PGF: variants seen among roughly 807,000 people sequenced by gnomAD.
PGF encodes the protein placental growth factor, also known as placenta growth factor.
A neutral mutation model predicts 25.3 loss-of-function variants in PGF; 11 were observed. The ratio of observed to expected loss-of-function variants is 0.43; its 90% confidence interval spans 0.27 to 0.72. The LOEUF (loss-of-function observed/expected upper bound fraction) is 0.72, where lower values mean the gene tolerates loss of function less well. Ranked by LOEUF, PGF falls within the 30% of genes least tolerant of loss-of-function variation. The pLI is 0.18. For missense variants in PGF, 230 were observed against 234.9 expected (o/e 0.98, Z 0.14); for synonymous variants, 105 against 97.9 (o/e 1.07, Z -0.43).
At position 74,949,406 on chromosome 14, in the gene PGF, T is replaced by C; in HGVS notation, c.266A>G (p.Asp89Gly). The C allele has an allele frequency of 6.2e-7, 1 of 1,606,164 alleles. No individual in the cohort carries two copies. Among genetic ancestry groups the C allele is most frequent in the Non-Finnish European group, 8.5e-7 (1 of 1,176,208 alleles). ...CACCGGCACACAGTGCAGATTCTCA[T>C]CGCCGCAGCAGCCGGTGCAGCGCAG... ...SLLRCTGCCG[D>G]ENLHCVPVET... The change falls in exon 3 of 7, where the codon GAT becomes GGT. Residue 89 changes from aspartate to glycine, a missense_variant. By Grantham distance (94) the Asp-to-Gly change is moderately conservative. Coordinates refer to ENST00000555567, the MANE Select transcript of PGF (RefSeq NM_002632.6).
In PGF at chr14:74,942,683, G is replaced by A; in HGVS notation, c.*23C>T. On this transcript the variant is annotated 3_prime_UTR_variant, in exon 7 of 7. Transcript: ENST00000555567. ...AATAAATACACGAGCCGGGTGCGGG[G>A]TCTCTCTCCTCCAAGGGGTGGGTTA... 1 of 1,611,560 alleles carries A rather than the reference G, an allele frequency of 6.2e-7. No individual in the cohort carries two copies. Among genetic ancestry groups the A allele is most frequent in the Non-Finnish European group, 8.5e-7 (1 of 1,178,554 alleles).
At chr14:74,944,922 CTT>C (rs5809688) in intron 6 of PGF, 347 of 116,306 alleles carry the variant, frequency 3.0e-3, no homozygotes, top group Middle Eastern at 4.4e-3. Flanking sequence ...TTTTGGAATT[CTT>C]TTTTTTTTTT....
At chr14:74,952,968 G>T (rs1264857762) in intron 2 of PGF, among the ~76,000 whole-genome samples, 2 of 152,198 alleles carry the variant, frequency 1.3e-5, no homozygotes, top group African/African-American at 2.4e-5. Context: ...TAGGGGATGG[G>T]TCCTTCCCCA....
intron 2 of PGF, among the ~76,000 whole-genome samples, chr14:74,952,010 G>A (rs1466155536): frequency 6.6e-6 from 1 of 152,122 alleles, no homozygotes; most frequent in African/African-American, 2.4e-5. Flanking sequence ...GCTCCGGGAG[G>A]GGGTGGAGGT....
At position 74,942,595 on chromosome 14, in the gene PGF, G is replaced by A. The variant is rs1888627057; in HGVS notation, c.*111C>T. 3.8e-6 allele frequency: 4 copies of A among 1,062,452 alleles called. No individual in the cohort carries two copies. Among genetic ancestry groups the A allele is most frequent in the Non-Finnish European group, 5.7e-6 (4 of 699,808 alleles). 65.8% of individuals were successfully genotyped at this position (1,062,452 alleles called of 1,614,324 possible). A position where few individuals can be genotyped will look rare whatever the true frequency, so the allele number is the denominator to read the frequency against. ...TTGAAGGGAGCGAGGCATTCAGCAG[G>A]GAAACAGTTGGCTAATAAATAGAGG... On this transcript the variant is annotated 3_prime_UTR_variant, in exon 7 of 7. Transcript: ENST00000555567.
intron 1 of PGF, among the ~76,000 whole-genome samples, chr14:74,954,437 G>C (rs946260234): frequency 6.6e-6 from 1 of 152,052 alleles, no homozygotes; most frequent in East Asian, 1.9e-4. Flanking sequence ...TGGGCTGCTC[G>C]GACTCCTCAG....
Position 74,950,273 on chromosome 14 carries a change from T to G in PGF, c.119-720A>C, listed in dbSNP as rs1055037392. On this transcript the variant is annotated intron_variant, in intron 2 of 6. Coordinates refer to ENST00000555567, the MANE Select transcript of PGF (RefSeq NM_002632.6). The surrounding 1 kb of genome is among the most constrained non-coding windows in gnomAD (Gnocchi z 4.1). ...TTGAAGACTTCCCCAGCAATTCCAG[T>G]GCACACAGATGAGCCTCCCTTGAGC... Among the ~76,000 whole-genome samples the G allele has an allele frequency of 3.3e-5, 5 of 152,230 alleles. No homozygotes were observed. Among genetic ancestry groups the G allele is most frequent in the Non-Finnish European group, 7.3e-5 (5 of 68,040 alleles).
chr14:74,945,368 T>G (rs949269541), intron 6 of PGF: 1 of 152,274 alleles, frequency 6.6e-6, no homozygotes, highest in Non-Finnish European at 1.5e-5. Context: ...TTTCCCAAAT[T>G]GCCGCGCGGG....
rs772306775 is a variant in PGF at position 74,950,337 on chromosome 14, C to T, written c.119-784G>A. 1.6e-4 allele frequency among the ~76,000 whole-genome samples: 25 copies of T among 152,328 alleles called. No homozygotes were observed. Among genetic ancestry groups the T allele is most frequent in the African/African-American group, 5.5e-4 (23 of 41,578 alleles). On this transcript the variant is annotated intron_variant, in intron 2 of 6. Coordinates refer to ENST00000555567, the MANE Select transcript of PGF (RefSeq NM_002632.6). The surrounding 1 kb of genome is among the most constrained non-coding windows in gnomAD (Gnocchi z 4.1). ...TGGCCTCAAGGGGTTGCCTTATCTCCGGCACTGCTTGCTCTTATCTCCTTT... is the reference window on the plus strand; with the variant it reads ...TGGCCTCAAGGGGTTGCCTTATCTCTGGCACTGCTTGCTCTTATCTCCTTT...
At chr14:74,944,109 CTT>C (rs546450998) in intron 6 of PGF, among the ~76,000 whole-genome samples, 3 of 112,516 alleles carry the variant, frequency 2.7e-5, no homozygotes, top group Non-Finnish European at 3.8e-5. Context: ...TGTTAATTTT[CTT>C]TTTTTTTTTT....
At position 74,955,365 on chromosome 14, in the gene PGF, C is replaced by A; in HGVS notation, c.-123G>T. 1 of 470,848 alleles carries A rather than the reference C, an allele frequency of 2.1e-6. No homozygotes were observed. Among genetic ancestry groups the A allele is most frequent in the South Asian group, 7.6e-5 (1 of 13,098 alleles). 29.2% of individuals were successfully genotyped at this position (470,848 alleles called of 1,614,324 possible). The stretch of plus-strand genomic sequence containing the variant: ...GCTGGACGCCTCCCTCACTGCTGCC[C>A]CGAGGCCCCGGCCGGTGGTTCGAGC... On this transcript the variant is annotated 5_prime_UTR_variant, in exon 1 of 7. Coordinates refer to ENST00000555567, the MANE Select transcript of PGF (RefSeq NM_002632.6). The surrounding 1 kb of genome is among the most constrained non-coding windows in gnomAD (Gnocchi z 4.1).
chr14:74,947,051 A>T (rs1888755723), intron 4 of PGF: 1 of 559,206 alleles, frequency 1.8e-6, no homozygotes, highest in South Asian at 2.5e-5. Flanking sequence ...GACATGGGAC[A>T]GCATGGTAGC....
In PGF at chr14:74,949,023, G is replaced by A. The variant is rs555584228; in HGVS notation, c.315+334C>T. Among the ~76,000 whole-genome samples, 23 of 152,330 alleles carry A rather than the reference G, an allele frequency of 1.5e-4. No homozygotes were observed. In the South Asian group the frequency reaches 4.8e-3, roughly 32 times the overall value. On this transcript the variant is annotated intron_variant, in intron 3 of 6. Coordinates refer to ENST00000555567, the MANE Select transcript of PGF (RefSeq NM_002632.6). ...CAGTAAGTGCTCAGTAAACCACTGC[G>A]TGTGTGACATGTAAGCTGCACTTGC...
chr14:74,947,218 C>T (rs1454265064), intron 4 of PGF: 2 of 324,120 alleles, frequency 6.2e-6, no homozygotes, highest in African/African-American at 2.1e-5. Context: ...TCTGCCTGCC[C>T]CAAAAGAGTG....
At chr14:74,947,009 G>A in intron 4 of PGF, 1 of 619,994 alleles carries the variant, frequency 1.6e-6, no homozygotes, top group Non-Finnish European at 2.9e-6. Flanking sequence ...CAGGGGATAG[G>A]GCCTCAGTCT....
intron 3 of PGF, among the ~76,000 whole-genome samples, chr14:74,949,105 T>C (rs1888811116): frequency 6.6e-6 from 1 of 152,190 alleles, no homozygotes; most frequent in Non-Finnish European, 1.5e-5. Context: ...AGCAGATTTC[T>C]TTCCAGCTTT....
At chr14:74,951,554 A>G (rs1331126107) in intron 2 of PGF, among the ~76,000 whole-genome samples, 3 of 152,220 alleles carry the variant, frequency 2.0e-5, no homozygotes, top group Non-Finnish European at 4.4e-5. Context: ...CAGCGAGGGG[A>G]CAGCAGCAGA....
intron 1 of PGF, chr14:74,954,209 T>C (rs539015750): frequency 1.7e-4 from 90 of 515,140 alleles, no homozygotes; most frequent in African/African-American, 1.6e-3. Flanking sequence ...CTTGGCCTGC[T>C]GCATCCCAAA....
At chr14:74,946,529 G>A (rs1421224542) in intron 4 of PGF, 121 bp from the exon 5 acceptor site, 9 of 900,426 alleles carry the variant, frequency 1.0e-5, no homozygotes, top group South Asian at 1.7e-5. Context: ...TGACACTGAG[G>A]CCACTAGGGG....
Sources: gnomAD v4.1 joint callset for allele counts (sites outside exome capture counted in the v4.1 genomes callset) on GRCh38, gnomAD v4.1.1 for gene constraint, Gnocchi (gnomAD v3.1) non-coding constraint, MANE v1.5 for transcripts, NCBI Gene and HGNC (gene_info 2026-07-23, HGNC 2026-07-21) for gene names.